Variants in CACNG3 observed in about 807,000 individuals in gnomAD.
CACNG3 encodes the protein voltage-dependent calcium channel gamma-3 subunit.
A neutral mutation model predicts 28.5 loss-of-function variants in CACNG3; 3 were observed. That is an observed-to-expected ratio of 0.11 (90% confidence interval 0.05 to 0.27). The LOEUF (loss-of-function observed/expected upper bound fraction) is 0.27. Among genes scored for constraint, CACNG3 ranks in the 10% least tolerant of loss-of-function variants. The probability of loss-of-function intolerance (pLI) is 1.00; values close to 1 mark genes in which losing one functional copy is unlikely to be tolerated. For missense variants in CACNG3, 236 were observed against 414.4 expected, an observed-to-expected ratio of 0.57 and a Z score of 3.74; for synonymous variants, 174 against 162.2, an observed-to-expected ratio of 1.07 and a Z score of -0.55.
intron 1 of CACNG3, among the ~76,000 whole-genome samples, chr16:24,331,937 C>T (rs955018093): frequency 4.6e-5 from 7 of 152,238 alleles, no homozygotes; most frequent in Admixed American, 3.3e-4. Context: ...TGTCCTCCCC[C>T]ACCCCAATCA....
At chr16:24,322,005 G>A (rs1256658164) in intron 1 of CACNG3, among the ~76,000 whole-genome samples, 7 of 152,160 alleles carry the variant, frequency 4.6e-5, no homozygotes, top group Non-Finnish European at 8.8e-5. Context: ...GATGAGAAGG[G>A]ACTGCTGTAT....
intron 3 of CACNG3, among the ~76,000 whole-genome samples, chr16:24,357,833 A>G (rs1050137800): frequency 6.6e-6 from 1 of 152,214 alleles, no homozygotes; most frequent in African/African-American, 2.4e-5. Flanking sequence ...ACAAGAGAAG[A>G]TCATTATGTT....
Position 24,256,712 on chromosome 16 carries a change from C to A in CACNG3, c.-43C>A. On this transcript the variant is annotated 5_prime_UTR_variant, in exon 1 of 4. Transcript: ENST00000005284. This position sits in a 1 kb window ranked among gnomAD's most constrained non-coding sequence, Gnocchi z 4.6. The stretch of plus-strand genomic sequence containing the variant: ...GTGATTTTCCCCTCCGGCACTGACT[C>A]TCCCCCTCCAACCCCCAGCCGTCCA... 7.4e-7 allele frequency: 1 copy of A among 1,353,982 alleles called. No individual in the cohort carries two copies. The highest frequency in any genetic ancestry group is 1.1e-6 in the Non-Finnish European group (1 of 943,408). The allele number at this position is 1,353,982 out of a possible 1,614,324, so 83.9% of individuals were successfully genotyped here.
rs532797400 is a variant in CACNG3 at position 24,351,136 on chromosome 16, G to A, written c.296-3697G>A. 3.3e-4 allele frequency among the ~76,000 whole-genome samples: 51 copies of A among 152,298 alleles called. 1 individual carries two copies. The highest frequency in any genetic ancestry group is 6.6e-4 in the Non-Finnish European group (45 of 68,030). ...TAATCATGCCTAACTAAAGTTAAGG[G>A]TTGATATAGCCAGGAAGGAAAACAG... On this transcript the variant is annotated intron_variant, in intron 2 of 3. Coordinates refer to ENST00000005284, the MANE Select transcript of CACNG3 (RefSeq NM_006539.4).
intron 1 of CACNG3, among the ~76,000 whole-genome samples, chr16:24,308,475 G>A (rs8055066): frequency 0.2 from 30,980 of 152,024 alleles, 3,415 homozygotes; most frequent in Non-Finnish European, 0.21. Context: ...TCTGCAAGCC[G>A]TCCTTGCAGC....
intron 1 of CACNG3, among the ~76,000 whole-genome samples, chr16:24,257,366 GGGGAGAGAGA>G (rs1898473618): frequency 9.4e-6 from 1 of 106,490 alleles, no homozygotes; most frequent in African/African-American, 4.1e-5. Flanking sequence ...AGAAGTGAGG[GGGGAGAGAGA>G]GAGAGAGAGA....
At chr16:24,303,636 G>A (rs1899143700) in intron 1 of CACNG3, among the ~76,000 whole-genome samples, 1 of 151,916 alleles carries the variant, frequency 6.6e-6, no homozygotes, top group Admixed American at 6.6e-5. Flanking sequence ...TGCTTGCGAA[G>A]TGGTTGGTTT....
chr16:24,311,253 G>A (rs890055578), intron 1 of CACNG3, among the ~76,000 whole-genome samples: 3 of 152,242 alleles, frequency 2.0e-5, no homozygotes, highest in African/African-American at 7.2e-5. Flanking sequence ...GCTCACGCCT[G>A]TAATCCCAGC....
At chr16:24,267,856 A>G (rs1898635745) in intron 1 of CACNG3, among the ~76,000 whole-genome samples, 1 of 152,022 alleles carries the variant, frequency 6.6e-6, no homozygotes, top group Admixed American at 6.5e-5. Flanking sequence ...TTTTTAGTAG[A>G]GACAGGGTTT....
intron 1 of CACNG3, among the ~76,000 whole-genome samples, chr16:24,326,258 G>T (rs979648931): frequency 2.0e-5 from 3 of 149,316 alleles, no homozygotes; most frequent in African/African-American, 5.0e-5. Flanking sequence ...CACAACCTCC[G>T]CCTCCTAGGT....
intron 1 of CACNG3, among the ~76,000 whole-genome samples, chr16:24,308,859 A>G (rs1899222833): frequency 1.3e-5 from 2 of 149,354 alleles, no homozygotes; most frequent in Non-Finnish European, 1.5e-5. Context: ...AAAAAAAAAA[A>G]AAAAAAAAGA....
chr16:24,312,983 A>AAAAG (rs563788036), intron 1 of CACNG3, among the ~76,000 whole-genome samples: 3,013 of 145,996 alleles, frequency 0.021, 41 homozygotes, highest in Admixed American at 0.037. Flanking sequence ...AGAAAGAAAT[A>AAAAG]AAAGAAAGAA....
At chr16:24,319,873 C>T (rs992908127) in intron 1 of CACNG3, among the ~76,000 whole-genome samples, 2 of 152,180 alleles carry the variant, frequency 1.3e-5, no homozygotes, top group African/African-American at 2.4e-5. Flanking sequence ...TGGGTTCAAG[C>T]GATTCTCCTG....
At chr16:24,325,426 C>T (rs1567219409) in intron 1 of CACNG3, among the ~76,000 whole-genome samples, 2 of 152,236 alleles carry the variant, frequency 1.3e-5, no homozygotes, top group African/African-American at 4.8e-5. Context: ...TATTCTCCCA[C>T]ACTCCTGAGA....
At chr16:24,273,900 A>G (rs1234202808) in intron 1 of CACNG3, among the ~76,000 whole-genome samples, 4 of 152,154 alleles carry the variant, frequency 2.6e-5, no homozygotes, top group African/African-American at 7.2e-5. Flanking sequence ...CAAGCCCTGT[A>G]TAGGAGGAAA....
intron 1 of CACNG3, among the ~76,000 whole-genome samples, chr16:24,281,197 T>C (rs977461678): frequency 6.6e-6 from 1 of 151,984 alleles, no homozygotes; most frequent in African/African-American, 2.4e-5. Context: ...TTGTTGTTGT[T>C]GTTTGTTTGT....
intron 1 of CACNG3, among the ~76,000 whole-genome samples, chr16:24,261,872 C>A (rs368541558): frequency 6.6e-6 from 1 of 152,122 alleles, no homozygotes; most frequent in South Asian, 2.1e-4. Flanking sequence ...TTCAGCCAGA[C>A]GGGGTTTCAG....
chr16:24,357,536 T>C (rs930181844), intron 3 of CACNG3, among the ~76,000 whole-genome samples: 2 of 152,026 alleles, frequency 1.3e-5, no homozygotes, highest in African/African-American at 2.4e-5. Flanking sequence ...TCGCCGGCTG[T>C]GAGATGAGAA....
At chr16:24,292,228 G>T (rs920579103) in intron 1 of CACNG3, among the ~76,000 whole-genome samples, 1 of 152,106 alleles carries the variant, frequency 6.6e-6, no homozygotes, top group Non-Finnish European at 1.5e-5. Flanking sequence ...TTTTTCAATC[G>T]TTCCTCAAGG....
Sources: gnomAD v4.1 joint callset for allele counts (sites outside exome capture counted in the v4.1 genomes callset) on GRCh38, gnomAD v4.1.1 for gene constraint, Gnocchi (gnomAD v3.1) non-coding constraint, MANE v1.5 for transcripts, NCBI Gene and HGNC (gene_info 2026-07-23, HGNC 2026-07-21) for gene names.